Variants in IPO8 observed in about 807,000 individuals in gnomAD.
IPO8 encodes the protein importin-8.
IPO8 carries 65 observed loss-of-function variants against 141.2 expected under a neutral mutation model. That is an observed-to-expected ratio of 0.46 (90% CI 0.38 to 0.57). The LOEUF is 0.57. Among genes scored for constraint, IPO8 ranks in the 20% least tolerant of loss-of-function variants. The pLI, the probability that IPO8 is intolerant of heterozygous loss-of-function variation, is 0.00. For missense variants in IPO8, 980 were observed against 1,246.8 expected, an observed-to-expected ratio of 0.79 and a Z score of 3.22; for synonymous variants, 411 against 420.3, an observed-to-expected ratio of 0.98 and a Z score of 0.27.
At position 30,663,767 on chromosome 12, in the gene IPO8, C is replaced by T. The variant is rs576637516; in HGVS notation, c.1429-113G>A. On this transcript the variant is annotated intron_variant, in intron 13 of 24. Coordinates refer to ENST00000256079, the MANE Select transcript of IPO8 (RefSeq NM_006390.4). ...TATCAATTCTATGAAGAAATGTTTG[C>T]TTTTGGGGTAACACAGTAGCCTTAG... The T allele has an allele frequency of 2.5e-4, 209 of 821,554 alleles. 1 individual carries two copies. The South Asian group carries it at 5.7e-3, about 22-fold the overall frequency. 50.9% of individuals were successfully genotyped at this position (821,554 alleles called of 1,614,324 possible).
At chr12:30,663,696 T>A in intron 13 of IPO8, 42 bp from the exon 14 acceptor site, 3 of 1,416,032 alleles carry the variant, frequency 2.1e-6, no homozygotes, top group Non-Finnish European at 2.9e-6. Flanking sequence ...ATTAGGATTA[T>A]AGCATTCTGT....
rs750259760 is a variant in IPO8, at chr12:30,662,373, T to C, written c.1709A>G (p.Tyr570Cys). 1.2e-6 allele frequency: 2 copies of C among 1,613,908 alleles called. No homozygotes were observed. The highest frequency in any genetic ancestry group is 2.2e-5 in the East Asian group (1 of 44,864). Residue 570 changes from tyrosine (Y) to cysteine (C), a missense_variant, in exon 15 of 25, where the codon TAC becomes TGC. By Grantham distance (194) the Tyr-to-Cys change is radical. This residue lies in a region of IPO8 where 924 missense variants were observed against 1,153.9 expected (regional missense o/e 0.80). Transcript: ENST00000256079. ...TNVIQKMICE[Y>C]SQEVASIAVD... ...AGCAATTGAGGCTACCTCTTGACTG[T>C]ATTCACATATCATCTTCTGGATGAC... is the stretch of plus-strand genomic sequence containing the variant.
chr12:30,689,850 T>C (rs1461705304), intron 2 of IPO8, among the ~76,000 whole-genome samples: 1 of 152,228 alleles, frequency 6.6e-6, no homozygotes, highest in Non-Finnish European at 1.5e-5. Flanking sequence ...TAAATACTTA[T>C]TTTTAATTAG....
Position 30,653,519 on chromosome 12 carries a change from T to A in IPO8, c.1949-427A>T, listed in dbSNP as rs1382584581. 3.9e-5 allele frequency among the ~76,000 whole-genome samples: 6 copies of A among 152,042 alleles called. No individual in the cohort carries two copies. In the South Asian group the frequency reaches 1.2e-3, roughly 32 times the overall value. ...TATCAGACTAAAGTATCTACCTATC[T>A]CAAATTTATACTTTTACTAACAACT... is the stretch of plus-strand genomic sequence containing the variant. On this transcript the variant is annotated intron_variant, in intron 17 of 24. Coordinates refer to ENST00000256079, the MANE Select transcript of IPO8 (RefSeq NM_006390.4).
At chr12:30,676,784 C>T (rs2053126343) in intron 5 of IPO8, 197 bp from the exon 6 acceptor site, 2 of 833,356 alleles carry the variant, frequency 2.4e-6, no homozygotes, top group African/African-American at 1.7e-5. Flanking sequence ...TAGAAGACTA[C>T]CTGCCATGAG....
chr12:30,649,279 G>A (rs1316912082), intron 19 of IPO8, 47 bp from the exon 20 acceptor site: 2 of 1,302,680 alleles, frequency 1.5e-6, no homozygotes, highest in Non-Finnish European at 2.2e-6. Flanking sequence ...ACTGCATAGA[G>A]GTTAATCAAG....
chr12:30,669,766 C>A (rs200290799), intron 9 of IPO8, among the ~76,000 whole-genome samples: 16 of 147,512 alleles, frequency 1.1e-4, no homozygotes, highest in East Asian at 4.0e-4. Context: ...ACTCCAGCTC[C>A]AAAAAAAAAA....
At chr12:30,641,933 GC>G (rs1324206640) in intron 20 of IPO8, among the ~76,000 whole-genome samples, 1 of 152,102 alleles carries the variant, frequency 6.6e-6, no homozygotes, top group African/African-American at 2.4e-5. Context: ...AGTGGTTCAC[GC>G]CTGTAATCCC....
In IPO8 at chr12:30,650,815, A is replaced by G. The variant is rs568226450; in HGVS notation, c.2172+1377T>C. Among the ~76,000 whole-genome samples, 14 of 152,204 alleles carry G rather than the reference A, an allele frequency of 9.2e-5. No individual in the cohort carries two copies. In the South Asian group the frequency reaches 2.9e-3, roughly 32 times the overall value. ...TTAGGTTCAAATCTGGCTCCAACAC[A>G]TAGTAGCTATGTGATTGCAACTATT... On this transcript the variant is annotated intron_variant, in intron 19 of 24. Transcript: ENST00000256079.
intron 22 of IPO8, among the ~76,000 whole-genome samples, chr12:30,635,032 T>C (rs570972612): frequency 6.6e-6 from 1 of 152,256 alleles, no homozygotes; most frequent in African/African-American, 2.4e-5. Flanking sequence ...CTGATGAACT[T>C]GGACATTATG....
At chr12:30,665,955 T>G in intron 11 of IPO8, 110 bp from the exon 12 acceptor site, 2 of 748,514 alleles carry the variant, frequency 2.7e-6, no homozygotes, top group Non-Finnish European at 4.4e-6. Flanking sequence ...TTATGTTTTA[T>G]CAAGCAACTA....
At chr12:30,669,398 T>C in intron 9 of IPO8, 116 bp from the exon 10 acceptor site, 2 of 513,008 alleles carry the variant, frequency 3.9e-6, no homozygotes, top group African/African-American at 1.9e-5. Flanking sequence ...AAACTCTGTG[T>C]GTGTGTAAAA....
intron 19 of IPO8, among the ~76,000 whole-genome samples, chr12:30,650,016 G>A (rs780559509): frequency 6.7e-5 from 10 of 150,216 alleles, no homozygotes; most frequent in Non-Finnish European, 1.3e-4. Flanking sequence ...GTAACAGAGA[G>A]AACTAAAAGC....
Position 30,632,009 on chromosome 12 carries a change from C to A in IPO8, c.2902G>T (p.Val968Leu). ...YQFFTQALITVQSRDAAWYQL... is the reference protein window; with the variant it reads ...YQFFTQALITLQSRDAAWYQL... ...TACCAGGCTGCATCTCGACTCTGCA[C>A]AGCTGTTGCATTTTGGGAGGAAAAG... The change falls in exon 24 of 25, where the codon GTG becomes TTG. Residue 968 changes from valine (V) to leucine (L), a missense_variant and splice_region_variant. Val to Leu is a conservative substitution (Grantham distance 32, BLOSUM62 1). This residue lies in a region of IPO8 where 924 missense variants were observed against 1,153.9 expected (regional missense o/e 0.80). Transcript: ENST00000256079. 3.7e-6 allele frequency: 6 copies of A among 1,609,236 alleles called. No homozygotes were observed. The highest frequency in any genetic ancestry group is 4.2e-6 in the Non-Finnish European group (5 of 1,177,874).
rs1001965330 is a variant in IPO8, at chr12:30,629,521, G to A, written c.*1339C>T. 1 of 152,158 alleles carries A rather than the reference G, an allele frequency of 6.6e-6. No individual in the cohort carries two copies. The highest frequency in any genetic ancestry group is 2.1e-4 in the South Asian group (1 of 4,832). 9.4% of individuals were successfully genotyped at this position (152,158 alleles called of 1,614,324 possible). ...AAAAAAATTCCTCCAGTCACTGATGGGAAATTTAAGCTGTGAATTTTTGTG... is the reference window on the plus strand; with the variant it reads ...AAAAAAATTCCTCCAGTCACTGATGAGAAATTTAAGCTGTGAATTTTTGTG... On this transcript the variant is annotated 3_prime_UTR_variant, in exon 25 of 25. Coordinates refer to ENST00000256079, the MANE Select transcript of IPO8 (RefSeq NM_006390.4).
At chr12:30,649,325 T>C (rs764457857) in intron 19 of IPO8, 93 bp from the exon 20 acceptor site, 75 of 827,934 alleles carry the variant, frequency 9.1e-5, no homozygotes, top group Non-Finnish European at 1.4e-4. Context: ...AATTCAGCCA[T>C]AGGAACCACA....
At chr12:30,683,590 G>C (rs2053210659) in intron 3 of IPO8, among the ~76,000 whole-genome samples, 1 of 152,126 alleles carries the variant, frequency 6.6e-6, no homozygotes, top group African/African-American at 2.4e-5. Flanking sequence ...CTGTCCAATA[G>C]AGCAGCTGCT....
intron 10 of IPO8, among the ~76,000 whole-genome samples, chr12:30,666,476 A>G (rs1363748155): frequency 1.3e-5 from 2 of 152,298 alleles, no homozygotes; most frequent in Non-Finnish European, 2.9e-5. Context: ...TCAAACTATT[A>G]TATTGAAGAA....
At chr12:30,672,030 TATTTTTTAAAAACTG>T (rs1278622549) in intron 8 of IPO8, among the ~76,000 whole-genome samples, 2 of 152,116 alleles carry the variant, frequency 1.3e-5, no homozygotes, top group East Asian at 1.9e-4. Context: ...ACTGAGAAGT[TATTTTTTAAAAACTG>T]ATTTTTTAAA....
Sources: allele counts gnomAD v4.1 joint callset (sites outside exome capture counted in the v4.1 genomes callset), GRCh38; gene constraint gnomAD v4.1.1; regional missense constraint gnomAD v4.1.1; transcripts MANE v1.5; gene names NCBI Gene and HGNC (gene_info 2026-07-23, HGNC 2026-07-21).